LEMD3: variants seen among roughly 807,000 people sequenced by gnomAD.
The protein encoded by LEMD3 is inner nuclear membrane protein Man1.
In LEMD3, 33 loss-of-function variants were observed where a neutral mutation model predicts 95.2. The ratio of observed to expected loss-of-function variants is 0.35; its 90% CI spans 0.26 to 0.46. The LOEUF (loss-of-function observed/expected upper bound fraction) is 0.46, where lower values mean the gene tolerates loss of function less well. Among genes scored for constraint, LEMD3 ranks in the 20% least tolerant of loss-of-function variants. The pLI is 1.00. For missense variants in LEMD3, 1,210 were observed against 1,192.8 expected (o/e 1.01, Z -0.21); for synonymous variants, 525 against 474.6 (o/e 1.11, Z -1.38).
chr12:65,244,666 G>A (rs185557857), intron 10 of LEMD3, among the ~76,000 whole-genome samples: 4 of 152,176 alleles, frequency 2.6e-5, no homozygotes, highest in East Asian at 1.9e-4. Context: ...AATAACATTC[G>A]GCTGGGCACA....
At chr12:65,192,821 G>C (rs1308247900) in intron 1 of LEMD3, among the ~76,000 whole-genome samples, 2 of 152,078 alleles carry the variant, frequency 1.3e-5, no homozygotes, top group African/African-American at 2.4e-5. Context: ...ATGAATATCT[G>C]TCATTTAATT....
intron 4 of LEMD3, among the ~76,000 whole-genome samples, chr12:65,224,525 A>G (rs1047696214): frequency 6.6e-6 from 1 of 151,660 alleles, no homozygotes; most frequent in South Asian, 2.1e-4. Flanking sequence ...CCACACACAC[A>G]CACAGTATTC....
chr12:65,197,818 C>G (rs1417652773), intron 1 of LEMD3, among the ~76,000 whole-genome samples: 1 of 152,118 alleles, frequency 6.6e-6, no homozygotes, highest in Non-Finnish European at 1.5e-5. Flanking sequence ...TATTCCCATT[C>G]AGTGAATGGA....
chr12:65,239,136 A>G lies in LEMD3; in HGVS notation c.1921+322A>G, dbSNP rs11175695. Among the ~76,000 whole-genome samples the G allele has an allele frequency of 0.015, 2,316 of 152,320 alleles. 86 individuals are homozygous for G. In the East Asian group the frequency reaches 0.17, roughly 11 times the overall value. On this transcript the variant is annotated intron_variant, in intron 6 of 12. Coordinates refer to ENST00000308330, the MANE Select transcript of LEMD3 (RefSeq NM_014319.5). ...GCTTATTTTTAAATAATAAAGTGTT[A>G]TAAAGTTTATTAAAATTTAGTTTTT...
At chr12:65,236,386 A>G (rs1323733201) in intron 4 of LEMD3, among the ~76,000 whole-genome samples, 5 of 152,070 alleles carry the variant, frequency 3.3e-5, no homozygotes, top group South Asian at 2.1e-4. Flanking sequence ...TACTACTACT[A>G]AAAATACAGT....
chr12:65,241,143 AAT>A lies in LEMD3; in HGVS notation c.2305+59_2305+60del, dbSNP rs1870926264. On this transcript the variant is annotated intron_variant, in intron 9 of 12. Coordinates refer to ENST00000308330, the MANE Select transcript of LEMD3 (RefSeq NM_014319.5). ...TTTCTTCTAATTTTTCAAAATGACAAATATGTGTTAAGTGAAACAGTACAATT... is the reference window on the plus strand; with the variant it reads ...TTTCTTCTAATTTTTCAAAATGACAAATGTGTTAAGTGAAACAGTACAATT... 21 of 1,438,112 alleles carry A rather than the reference AAT, an allele frequency of 1.5e-5. No individual in the cohort carries two copies. In the Admixed American group the frequency reaches 2.1e-4, roughly 14 times the overall value. 89.1% of individuals were successfully genotyped at this position (1,438,112 alleles called of 1,614,324 possible). A position where few individuals can be genotyped will look rare whatever the true frequency, so the allele number is the denominator to read the frequency against.
At chr12:65,241,925 T>G (rs1870950550) in intron 9 of LEMD3, among the ~76,000 whole-genome samples, 1 of 152,138 alleles carries the variant, frequency 6.6e-6, no homozygotes, top group Non-Finnish European at 1.5e-5. Flanking sequence ...AGGCAGGGCT[T>G]AATACCTGGG....
At position 65,246,365 on chromosome 12, in the gene LEMD3, G is replaced by C. The variant is rs1871107238; in HGVS notation, c.*40G>C. ...ATTTCTAAGACTGTTATTTACAATA[G>C]GAAAATTCCTGTTTGGCTTTTTGTC... On this transcript the variant is annotated 3_prime_UTR_variant, in exon 13 of 13. Transcript: ENST00000308330. The C allele has an allele frequency of 6.6e-7, 1 of 1,512,720 alleles. No homozygotes were observed. Among genetic ancestry groups the C allele is most frequent in the Non-Finnish European group, 9.2e-7 (1 of 1,090,460 alleles). The allele number at this position is 1,512,720 out of a possible 1,614,324, so 93.7% of individuals were successfully genotyped here.
At chr12:65,182,244 A>C (rs1481712080) in intron 1 of LEMD3, among the ~76,000 whole-genome samples, 2 of 152,162 alleles carry the variant, frequency 1.3e-5, no homozygotes, top group African/African-American at 4.8e-5. Context: ...CAAGATAAAC[A>C]CAACCTCTGG....
Position 65,239,972 on chromosome 12 carries a change from A to G in LEMD3, c.1965A>G (p.Arg655=). ...TCGTTCTGCGTTACATGAAATATCGATGGACAAAAGAAGAGGAGGAAACAA... is the reference window on the plus strand; with the variant it reads ...TCGTTCTGCGTTACATGAAATATCGGTGGACAAAAGAAGAGGAGGAAACAA... ...VCVVLRYMKY[R]WTKEEEETRQ... Residue 655 remains arginine (R), a synonymous_variant, in exon 7 of 13, where the codon CGA becomes CGG. Transcript: ENST00000308330. 1 of 1,612,542 alleles carries G rather than the reference A, an allele frequency of 6.2e-7. No homozygotes were observed. The highest frequency in any genetic ancestry group is 8.5e-7 in the Non-Finnish European group (1 of 1,178,684).
intron 4 of LEMD3, among the ~76,000 whole-genome samples, chr12:65,236,449 C>CTGAG (rs1184450128): frequency 6.6e-6 from 1 of 152,020 alleles, no homozygotes; most frequent in Non-Finnish European, 1.5e-5. Flanking sequence ...ACTTGGGAGG[C>CTGAG]TGAGGCACAA....
At chr12:65,216,340 G>T (rs955004685) in intron 3 of LEMD3, among the ~76,000 whole-genome samples, 4 of 151,886 alleles carry the variant, frequency 2.6e-5, no homozygotes, top group African/African-American at 9.7e-5. Flanking sequence ...AAGTATCAGA[G>T]GAATTAGGTA....
rs188246246 is a variant in LEMD3 at position 65,184,584 on chromosome 12, A to G, written c.1522+13466A>G. 1.3e-4 allele frequency among the ~76,000 whole-genome samples: 20 copies of G among 152,234 alleles called. No homozygotes were observed. In the East Asian group the frequency reaches 3.3e-3, roughly 25 times the overall value. On this transcript the variant is annotated intron_variant, in intron 1 of 12. Coordinates refer to ENST00000308330, the MANE Select transcript of LEMD3 (RefSeq NM_014319.5). Reference sequence around the variant, plus strand: ...GGCCTAAGCTTTCTGCTCTTTTACTATAATCTTGGCTCAATAACTTTAAAA... The same window carrying G: ...GGCCTAAGCTTTCTGCTCTTTTACTGTAATCTTGGCTCAATAACTTTAAAA...
At chr12:65,187,689 T>C (rs954943720) in intron 1 of LEMD3, among the ~76,000 whole-genome samples, 6 of 152,242 alleles carry the variant, frequency 3.9e-5, no homozygotes, top group African/African-American at 9.6e-5. Context: ...GGACTCCAGG[T>C]AAGCAGTAGC....
intron 1 of LEMD3, among the ~76,000 whole-genome samples, chr12:65,202,724 C>T (rs1040667132): frequency 1.3e-5 from 2 of 152,060 alleles, no homozygotes; most frequent in Non-Finnish European, 2.9e-5. Context: ...TTACTGATTC[C>T]GTTTCTTTAA....
intron 2 of LEMD3, among the ~76,000 whole-genome samples, chr12:65,213,406 T>C (rs1485028087): frequency 6.6e-6 from 1 of 152,116 alleles, no homozygotes; most frequent in Non-Finnish European, 1.5e-5. Flanking sequence ...TTGTATTTTT[T>C]TGTAGAGATG....
chr12:65,218,783 C>CTTT lies in LEMD3; in HGVS notation c.1695+183_1695+185dup, dbSNP rs10676847. Among the ~76,000 whole-genome samples the CTTT allele has an allele frequency of 2.7e-3, 329 of 123,032 alleles. 4 individuals are homozygous for CTTT. Among genetic ancestry groups the CTTT allele is most frequent in the African/African-American group, 8.2e-3 (264 of 32,248 alleles). The allele number at this position is 123,032 out of a possible 152,430, so 80.7% of individuals were successfully genotyped here. A position where few individuals can be genotyped will look rare whatever the true frequency, so the allele number is the denominator to read the frequency against. ...GTTATGAGAAAGTAAAATTGTTCAA[C>CTTT]TTTTTTTTTTTTTTTTTTTTTGTGA... On this transcript the variant is annotated intron_variant, in intron 4 of 12. Transcript: ENST00000308330.
intron 4 of LEMD3, among the ~76,000 whole-genome samples, chr12:65,218,825 T>C (rs979409114): frequency 2.7e-5 from 4 of 150,784 alleles, no homozygotes; most frequent in African/African-American, 9.8e-5. Context: ...GTTTCGCTCT[T>C]GTTCCCCAGG....
chr12:65,239,065 A>G (rs565968229), intron 6 of LEMD3, among the ~76,000 whole-genome samples: 3 of 152,208 alleles, frequency 2.0e-5, no homozygotes, highest in Admixed American at 6.5e-5. Context: ...CAGTATATAC[A>G]TAGAAATCTA....
Sources: allele counts gnomAD v4.1 joint callset (sites outside exome capture counted in the v4.1 genomes callset), GRCh38; gene constraint gnomAD v4.1.1; transcripts MANE v1.5; gene names NCBI Gene and HGNC (gene_info 2026-07-23, HGNC 2026-07-21).